Variants in YWHAB observed in about 807,000 individuals in gnomAD.
YWHAB encodes the protein 14-3-3 protein beta/alpha.
YWHAB carries 2 observed loss-of-function variants against 28.5 expected under a neutral mutation model. The ratio of observed to expected loss-of-function variants is 0.07; its 90% CI spans 0.03 to 0.22. The LOEUF (loss-of-function observed/expected upper bound fraction) is 0.22, where lower values mean the gene tolerates loss of function less well. Ranked by LOEUF, YWHAB falls within the 10% of genes least tolerant of loss-of-function variation. The probability of loss-of-function intolerance (pLI) is 1.00; values close to 1 mark genes in which losing one functional copy is unlikely to be tolerated. For missense variants in YWHAB, 148 were observed against 297.1 expected (o/e 0.50, Z 3.69); for synonymous variants, 103 against 104.7 (o/e 0.98, Z 0.10).
intron 1 of YWHAB, among the ~76,000 whole-genome samples, chr20:44,888,174 A>G (rs1439287179): frequency 6.6e-6 from 1 of 152,218 alleles, no homozygotes; most frequent in African/African-American, 2.4e-5. Context: ...ATCTGCATGA[A>G]TATACACGTG....
At chr20:44,895,257 G>C (rs554196473) in intron 1 of YWHAB, among the ~76,000 whole-genome samples, 7 of 152,336 alleles carry the variant, frequency 4.6e-5, no homozygotes, top group African/African-American at 1.7e-4. Flanking sequence ...AGACACGTTT[G>C]AGCATTGTGT....
chr20:44,908,516 A>T lies in YWHAB; in HGVS notation c.*2078A>T, dbSNP rs1466804637. ...TCAAAAGTGAAATAAAAATTTTATC[A>T]GTTAGTTGCCTGTGAATTGATGTGT... is the stretch of plus-strand genomic sequence containing the variant. On this transcript the variant is annotated 3_prime_UTR_variant, in exon 6 of 6. Transcript: ENST00000353703. 6.6e-6 allele frequency: 1 copy of T among 152,522 alleles called. No homozygotes were observed. The highest frequency in any genetic ancestry group is 1.5e-5 in the Non-Finnish European group (1 of 68,042). The allele number at this position is 152,522 out of a possible 1,614,324, so 9.4% of individuals were successfully genotyped here.
At chr20:44,896,489 A>T (rs1302923233) in intron 1 of YWHAB, among the ~76,000 whole-genome samples, 3 of 152,242 alleles carry the variant, frequency 2.0e-5, no homozygotes, top group Admixed American at 6.5e-5. Context: ...GCAGAAGCAC[A>T]TATGATGTGG....
chr20:44,901,911 AC>A, intron 2 of YWHAB, 78 bp downstream of exon 2: 1 of 1,453,512 alleles, frequency 6.9e-7, no homozygotes, highest in Non-Finnish European at 9.1e-7. Context: ...GACTCTCAAA[AC>A]AGCTTATGAG....
intron 1 of YWHAB, among the ~76,000 whole-genome samples, chr20:44,890,500 CTTTTTTTTTT>C (rs35619333): frequency 1.6e-4 from 14 of 86,390 alleles, no homozygotes; most frequent in African/African-American, 4.5e-4. Context: ...TGGATTCCTA[CTTTTTTTTTT>C]TTTTTTTTTT....
chr20:44,893,487 C>T (rs1441058638), intron 1 of YWHAB, among the ~76,000 whole-genome samples: 2 of 151,966 alleles, frequency 1.3e-5, no homozygotes, highest in Non-Finnish European at 2.9e-5. Context: ...AATGTTATTA[C>T]CCAGAGACAG....
At position 44,908,173 on chromosome 20, in the gene YWHAB, AC is replaced by A. The variant is rs1265812101; in HGVS notation, c.*1736del. 3.6e-4 allele frequency: 47 copies of A among 131,554 alleles called. No individual in the cohort carries two copies. The highest frequency in any genetic ancestry group is 1.4e-3 in the African/African-American group (43 of 30,430). The allele number at this position is 131,554 out of a possible 1,614,324, so 8.1% of individuals were successfully genotyped here. A position where few individuals can be genotyped will look rare whatever the true frequency, so the allele number is the denominator to read the frequency against. ...AAACAAACCAAAAAAAAAGAAAAAA[AC>A]AAAAAAAAAAATCCCTCCTTTCTAG... On this transcript the variant is annotated 3_prime_UTR_variant, in exon 6 of 6. Transcript: ENST00000353703.
At chr20:44,904,169 T>C in intron 3 of YWHAB, 53 bp downstream of exon 3, 1 of 1,601,222 alleles carries the variant, frequency 6.2e-7, no homozygotes. Flanking sequence ...CAGTCTTCTT[T>C]CACAGGGACT....
At chr20:44,888,249 T>G (rs1658804402) in intron 1 of YWHAB, among the ~76,000 whole-genome samples, 1 of 152,242 alleles carries the variant, frequency 6.6e-6, no homozygotes, top group South Asian at 2.1e-4. Context: ...CATTTGTGAT[T>G]TATTCACCAA....
Position 44,908,179 on chromosome 20 carries a change from A to AAC in YWHAB, c.*1742_*1743insCA, listed in dbSNP as rs1555797450. 7 of 152,052 alleles carry AAC rather than the reference A, an allele frequency of 4.6e-5. No homozygotes were observed. Among genetic ancestry groups the AAC allele is most frequent in the African/African-American group, 1.2e-4 (5 of 41,226 alleles). The allele number at this position is 152,052 out of a possible 1,614,324, so 9.4% of individuals were successfully genotyped here. On this transcript the variant is annotated 3_prime_UTR_variant, in exon 6 of 6. Coordinates refer to ENST00000353703, the MANE Select transcript of YWHAB (RefSeq NM_139323.4). The stretch of plus-strand genomic sequence containing the variant: ...ACCAAAAAAAAAGAAAAAAACAAAA[A>AAC]AAAAAATCCCTCCTTTCTAGCTGAA...
intron 1 of YWHAB, among the ~76,000 whole-genome samples, chr20:44,899,048 G>A (rs1416171911): frequency 1.3e-5 from 2 of 152,188 alleles, no homozygotes; most frequent in Non-Finnish European, 2.9e-5. Flanking sequence ...GGAGGCAGAG[G>A]TTGCAGTGAG....
chr20:44,907,845 A>G lies in YWHAB; in HGVS notation c.*1407A>G, dbSNP rs2066667675. 6.6e-6 allele frequency: 1 copy of G among 152,182 alleles called. No homozygotes were observed. The highest frequency in any genetic ancestry group is 6.5e-5 in the Admixed American group (1 of 15,280). 9.4% of individuals were successfully genotyped at this position (152,182 alleles called of 1,614,324 possible). On this transcript the variant is annotated 3_prime_UTR_variant, in exon 6 of 6. Transcript: ENST00000353703. Reference sequence around the variant, plus strand: ...TGCTCTTCAGTCATACCGGAATCTGAATCAAAAAAGTATTTTTAAATATCC... The same window carrying G: ...TGCTCTTCAGTCATACCGGAATCTGGATCAAAAAAGTATTTTTAAATATCC...
Position 44,901,624 on chromosome 20 carries a change from G to A in YWHAB, c.91G>A (p.Val31Ile), listed in dbSNP as rs1427708340. 1 of 1,614,050 alleles carries A rather than the reference G, an allele frequency of 6.2e-7. No homozygotes were observed. Among genetic ancestry groups the A allele is most frequent in the South Asian group, 1.1e-5 (1 of 91,086 alleles). Reference sequence around the variant, plus strand: ...TGATATGGCTGCAGCCATGAAGGCAGTCACAGAACAGGGGCATGAACTCTC... The same window carrying A: ...TGATATGGCTGCAGCCATGAAGGCAATCACAGAACAGGGGCATGAACTCTC... ...YDDMAAAMKAVTEQGHELSNE... is the reference protein window; with the variant it reads ...YDDMAAAMKAITEQGHELSNE... The change falls in exon 2 of 6, where the codon GTC becomes ATC. Residue 31 changes from valine (V) to isoleucine (I), a missense_variant. Around this residue, in one of 2 missense-constraint regions of YWHAB, gnomAD observed 110 missense variants for 177.9 expected, o/e 0.62. Coordinates refer to ENST00000353703, the MANE Select transcript of YWHAB (RefSeq NM_139323.4).
intron 1 of YWHAB, among the ~76,000 whole-genome samples, chr20:44,895,154 G>C (rs6073566): frequency 2.0e-5 from 3 of 152,212 alleles, no homozygotes; most frequent in African/African-American, 7.2e-5. Flanking sequence ...AGTCAGGGAA[G>C]GGTTTGTAGC....
chr20:44,891,158 G>A (rs959060471), intron 1 of YWHAB, among the ~76,000 whole-genome samples: 4 of 151,160 alleles, frequency 2.6e-5, no homozygotes, highest in African/African-American at 7.3e-5. Context: ...TTGCTCTGTC[G>A]CCTAGGCTGG....
At chr20:44,902,116 C>T (rs2066630782) in intron 2 of YWHAB, 1 of 306,590 alleles carries the variant, frequency 3.3e-6, no homozygotes. Flanking sequence ...AAAATTGAGG[C>T]CAGATAGACA....
intron 1 of YWHAB, among the ~76,000 whole-genome samples, chr20:44,894,809 T>G (rs1351907475): frequency 6.6e-6 from 1 of 152,244 alleles, no homozygotes; most frequent in Non-Finnish European, 1.5e-5. Context: ...TTTAACATGC[T>G]CACATGGCTG....
intron 1 of YWHAB, among the ~76,000 whole-genome samples, chr20:44,901,065 C>G (rs1257390840): frequency 6.6e-6 from 1 of 152,192 alleles, no homozygotes; most frequent in Non-Finnish European, 1.5e-5. Context: ...TGAGCCACTG[C>G]ACCCGGCTAG....
At chr20:44,896,969 T>C (rs1380822619) in intron 1 of YWHAB, among the ~76,000 whole-genome samples, 5 of 152,196 alleles carry the variant, frequency 3.3e-5, no homozygotes, top group Non-Finnish European at 7.3e-5. Context: ...ATACAGATTT[T>C]AAAAAGGTGT....
Sources: gnomAD v4.1 joint callset for allele counts (sites outside exome capture counted in the v4.1 genomes callset) on GRCh38, gnomAD v4.1.1 for gene constraint, gnomAD v4.1.1 regional missense constraint, MANE v1.5 for transcripts, NCBI Gene and HGNC (gene_info 2026-07-23, HGNC 2026-07-21) for gene names.